FBXO21: variants seen among roughly 807,000 people sequenced by gnomAD.
FBXO21 encodes F-box protein 21.
FBXO21 carries 32 observed loss-of-function variants against 76.6 expected under a neutral mutation model. The observed-to-expected ratio is 0.42, with a 90% CI of 0.32 to 0.56. The LOEUF (loss-of-function observed/expected upper bound fraction) is 0.56, where lower values mean the gene tolerates loss of function less well. Ranked by LOEUF, FBXO21 falls within the 20% of genes least tolerant of loss-of-function variation. The pLI, the probability that FBXO21 is intolerant of heterozygous loss-of-function variation, is 0.16. For missense variants in FBXO21, 586 were observed against 797.3 expected, an observed-to-expected ratio of 0.73 and a Z score of 3.19; for synonymous variants, 328 against 311.5, an observed-to-expected ratio of 1.05 and a Z score of -0.56.
At chr12:117,162,387 G>A (rs781223357) in intron 9 of FBXO21, among the ~76,000 whole-genome samples, 1 of 152,218 alleles carries the variant, frequency 6.6e-6, no homozygotes, top group Non-Finnish European at 1.5e-5. Flanking sequence ...TCCTAGTGCC[G>A]TCACGGCATG....
In FBXO21 at chr12:117,145,510, A is replaced by C. The variant is rs1279695556; in HGVS notation, c.*577T>G. The stretch of plus-strand genomic sequence containing the variant: ...TCTGTGTTTCACATATTAGAAAAAA[A>C]TAAATTCAAATGATTCTAATTACCA... On this transcript the variant is annotated 3_prime_UTR_variant, in exon 12 of 12. Transcript: ENST00000622495. 1 of 152,252 alleles carries C rather than the reference A, an allele frequency of 6.6e-6. No homozygotes were observed. The allele number at this position is 152,252 out of a possible 1,614,324, so 9.4% of individuals were successfully genotyped here. A position where few individuals can be genotyped will look rare whatever the true frequency, so the allele number is the denominator to read the frequency against.
chr12:117,158,022 C>A lies in FBXO21; in HGVS notation c.1368G>T (p.Gly456=), dbSNP rs774209706. ...ILQHIQTLDP[G]QHGAVGYLVQ... is the part of the protein sequence containing the mutation. ...CCAGGTAGCCCACCGCCCCGTGCTG[C>A]CCCGGGTCTAGGGTTTGGATGTGCT... Residue 456 remains glycine (G), a synonymous_variant, in exon 10 of 12, where the codon GGG becomes GGT. Coordinates refer to ENST00000622495, the MANE Select transcript of FBXO21 (RefSeq NM_015002.3). The A allele has an allele frequency of 6.2e-7, 1 of 1,614,244 alleles. No homozygotes were observed. Among genetic ancestry groups the A allele is most frequent in the Non-Finnish European group, 8.5e-7 (1 of 1,180,036 alleles).
chr12:117,150,700 G>C (rs1955827137), intron 11 of FBXO21, among the ~76,000 whole-genome samples: 1 of 152,232 alleles, frequency 6.6e-6, no homozygotes, highest in African/African-American at 2.4e-5. Flanking sequence ...GAGGGATCGA[G>C]GTGGAACTGC....
At chr12:117,151,558 A>G (rs541607246) in intron 11 of FBXO21, among the ~76,000 whole-genome samples, 1 of 152,272 alleles carries the variant, frequency 6.6e-6, no homozygotes, top group Non-Finnish European at 1.5e-5. Flanking sequence ...TGTTTAAAAA[A>G]TACATTTCAT....
At chr12:117,174,930 G>A (rs73206063) in intron 4 of FBXO21, 133 bp from the exon 5 acceptor site, 171,309 of 735,750 alleles carry the variant, frequency 0.23, 21,007 homozygotes, top group East Asian at 0.4. Context: ...TTTTGGCCAT[G>A]GACCTTGCTG....
At chr12:117,150,168 G>C (rs763174211) in intron 11 of FBXO21, among the ~76,000 whole-genome samples, 7 of 152,206 alleles carry the variant, frequency 4.6e-5, no homozygotes, top group Non-Finnish European at 1.0e-4. Flanking sequence ...AAGTTTACTT[G>C]TAAGAAAAAT....
At chr12:117,166,837 C>G (rs1592882575) in intron 8 of FBXO21, 61 bp downstream of exon 8, 1 of 1,461,634 alleles carries the variant, frequency 6.8e-7, no homozygotes, top group Non-Finnish European at 9.5e-7. Context: ...ATCTCAAACA[C>G]AATTCAAGCC....
intron 1 of FBXO21, 36 bp downstream of exon 1, chr12:117,190,182 T>G (rs1956330396): frequency 1.3e-5 from 15 of 1,184,222 alleles, no homozygotes; most frequent in Non-Finnish European, 1.6e-5. Flanking sequence ...CGCGGGGCGG[T>G]GGGCGCGCAG....
At chr12:117,176,129 C>T (rs1016668979) in intron 4 of FBXO21, among the ~76,000 whole-genome samples, 1 of 152,112 alleles carries the variant, frequency 6.6e-6, no homozygotes, top group African/African-American at 2.4e-5. Flanking sequence ...TACAGTGATC[C>T]TAACACAAGG....
In FBXO21 at chr12:117,142,889, GA is replaced by G. The variant is rs1340046706; in HGVS notation, c.*3197del. ...CAGTTTTCTCCGTGGGGAAAGATCG[GA>G]ACACTTACAAATGAGAACGGGACTT... On this transcript the variant is annotated 3_prime_UTR_variant, in exon 12 of 12. Coordinates refer to ENST00000622495, the MANE Select transcript of FBXO21 (RefSeq NM_015002.3). 2.6e-5 allele frequency: 4 copies of G among 152,266 alleles called. No homozygotes were observed. The highest frequency in any genetic ancestry group is 4.4e-5 in the Non-Finnish European group (3 of 68,032). The allele number at this position is 152,266 out of a possible 1,614,324, so 9.4% of individuals were successfully genotyped here.
chr12:117,154,116 T>A (rs1955882047), intron 11 of FBXO21: 1 of 152,240 alleles, frequency 6.6e-6, no homozygotes, highest in African/African-American at 2.4e-5. Context: ...ACCAGGTGAC[T>A]TGTGCTGGCA....
chr12:117,157,896 G>A lies in FBXO21; in HGVS notation c.1494C>T (p.Ile498=), dbSNP rs1288515631. 3.1e-6 allele frequency: 5 copies of A among 1,610,324 alleles called. No homozygotes were observed. In the Admixed American group the frequency reaches 6.7e-5, roughly 22 times the overall value. ...DEKHRDVCYS[I]GLIMKHKRYG... is the part of the protein sequence containing the mutation. ...ACCTCTTATGCTTCATAATGAGCCC[G>A]ATGGAGTAGCAGACATCTCTGTGCT... The change falls in exon 10 of 12, where the codon ATC becomes ATT. Residue 498 remains isoleucine (I), a synonymous_variant. Coordinates refer to ENST00000622495, the MANE Select transcript of FBXO21 (RefSeq NM_015002.3).
At chr12:117,188,734 T>C (rs1956313742) in intron 2 of FBXO21, 1 of 153,178 alleles carries the variant, frequency 6.5e-6, no homozygotes, top group South Asian at 2.0e-4. Context: ...CTCTGATTTA[T>C]AGGTAGCTTT....
In FBXO21 at chr12:117,146,045, A is replaced by C. The variant is rs749828449; in HGVS notation, c.*42T>G. 2 of 1,485,202 alleles carry C rather than the reference A, an allele frequency of 1.3e-6. No individual in the cohort carries two copies. 92.0% of individuals were successfully genotyped at this position (1,485,202 alleles called of 1,614,324 possible). A position where few individuals can be genotyped will look rare whatever the true frequency, so the allele number is the denominator to read the frequency against. On this transcript the variant is annotated 3_prime_UTR_variant, in exon 12 of 12. Coordinates refer to ENST00000622495, the MANE Select transcript of FBXO21 (RefSeq NM_015002.3). ...TTCTTCCGGAGTCCCGTTCTCTTGGAAGATAGCAGCAGCAGCAAAGGTGCA... is the reference window on the plus strand; with the variant it reads ...TTCTTCCGGAGTCCCGTTCTCTTGGCAGATAGCAGCAGCAGCAAAGGTGCA...
chr12:117,169,914 C>T (rs1956099958), intron 7 of FBXO21, among the ~76,000 whole-genome samples: 1 of 151,776 alleles, frequency 6.6e-6, no homozygotes, highest in African/African-American at 2.4e-5. Context: ...CAGAGTAATG[C>T]AAGAGAAAGA....
chr12:117,166,358 G>A (rs1286231156), intron 8 of FBXO21, among the ~76,000 whole-genome samples: 3 of 152,134 alleles, frequency 2.0e-5, no homozygotes, highest in African/African-American at 2.4e-5. Context: ...ATAATGATGC[G>A]TCAGTGCAGG....
Position 117,165,472 on chromosome 12 carries a change from G to T in FBXO21, c.1326+13C>A. On this transcript the variant is annotated intron_variant, in intron 9 of 11. Coordinates refer to ENST00000622495, the MANE Select transcript of FBXO21 (RefSeq NM_015002.3). ...TCTAAGGCAAGTGCAAAGCATCAAA[G>T]TAAAATAATTACCTTCTCTGGCCAG... 1 of 1,611,940 alleles carries T rather than the reference G, an allele frequency of 6.2e-7. No individual in the cohort carries two copies. The highest frequency in any genetic ancestry group is 8.5e-7 in the Non-Finnish European group (1 of 1,179,132).
intron 9 of FBXO21, among the ~76,000 whole-genome samples, chr12:117,163,837 G>A (rs1011674540): frequency 3.9e-5 from 6 of 151,994 alleles, no homozygotes; most frequent in African/African-American, 9.7e-5. Flanking sequence ...CCAGCTACTC[G>A]GTAGGCTAAG....
chr12:117,152,532 G>GT (rs1423282058), intron 11 of FBXO21, among the ~76,000 whole-genome samples: 2 of 143,250 alleles, frequency 1.4e-5, no homozygotes, highest in African/African-American at 2.4e-5. Context: ...ATGAAAAAGG[G>GT]GGGAAAAAAA....
Sources: allele counts gnomAD v4.1 joint callset (sites outside exome capture counted in the v4.1 genomes callset), GRCh38; gene constraint gnomAD v4.1.1; transcripts MANE v1.5; gene names NCBI Gene and HGNC (gene_info 2026-07-23, HGNC 2026-07-21).